SYNE3: variants seen among roughly 807,000 people sequenced by gnomAD.
SYNE3 encodes nesprin-3.
Under a neutral mutation model 111.2 loss-of-function variants are expected in SYNE3, and 100 were observed. The observed-to-expected ratio is 0.90, with a 90% CI of 0.77 to 1.06. SYNE3 has a LOEUF of 1.06. SYNE3 is among the 50% of genes least tolerant of loss of function. The pLI is 0.00. For synonymous variants in SYNE3, 547 were observed against 533.9 expected (o/e 1.02, Z -0.34); for missense variants, 1,160 against 1,240.3 (o/e 0.94, Z 0.97).
In SYNE3 at chr14:95,414,988, T is replaced by A. The variant is rs1385269539; in HGVS notation, c.*2838A>T. 6.6e-6 allele frequency: 1 copy of A among 152,166 alleles called. No individual in the cohort carries two copies. Among genetic ancestry groups the A allele is most frequent in the African/African-American group, 2.4e-5 (1 of 41,430 alleles). The allele number at this position is 152,166 out of a possible 1,614,324, so 9.4% of individuals were successfully genotyped here. A position where few individuals can be genotyped will look rare whatever the true frequency, so the allele number is the denominator to read the frequency against. ...ACTTGATGGCATCATTATCAAAATT[T>A]AAAAAATATAGGTAGATATTCCCAC... On this transcript the variant is annotated 3_prime_UTR_variant, in exon 18 of 18. Coordinates refer to ENST00000682763, the MANE Select transcript of SYNE3 (RefSeq NM_152592.6).
At chr14:95,428,438 T>C (rs1885557967) in intron 17 of SYNE3, among the ~76,000 whole-genome samples, 1 of 152,056 alleles carries the variant, frequency 6.6e-6, no homozygotes, top group East Asian at 1.9e-4. Context: ...AAATTATGAG[T>C]CTTAAAACCT....
At chr14:95,446,116 A>C in intron 8 of SYNE3, 25 bp from the exon 9 acceptor site, 2 of 1,612,798 alleles carry the variant, frequency 1.2e-6, no homozygotes, top group Non-Finnish European at 1.7e-6. Context: ...GCTTCCGTGA[A>C]CCACAGACCG....
intron 1 of SYNE3, among the ~76,000 whole-genome samples, chr14:95,511,471 T>C (rs1890718787): frequency 6.6e-6 from 1 of 152,024 alleles, no homozygotes; most frequent in Non-Finnish European, 1.5e-5. Context: ...GAGACCGAGG[T>C]GGGTGGATCA....
At chr14:95,492,437 AG>A (rs1304872273) in intron 1 of SYNE3, among the ~76,000 whole-genome samples, 3 of 152,252 alleles carry the variant, frequency 2.0e-5, no homozygotes, top group Admixed American at 6.5e-5. Flanking sequence ...CCTGTGAAAA[AG>A]AATGAAGTGC....
At position 95,408,799 on chromosome 14, in the gene SYNE3, G is replaced by A. The variant is rs976229521; in HGVS notation, c.*9027C>T. 5 of 219,232 alleles carry A rather than the reference G, an allele frequency of 2.3e-5. No homozygotes were observed. Among genetic ancestry groups the A allele is most frequent in the Non-Finnish European group, 3.6e-5 (4 of 110,988 alleles). 13.6% of individuals were successfully genotyped at this position (219,232 alleles called of 1,614,324 possible). ...AACATGCACAAGCGACTGCCTCCTTGTTTCTCCCATGAGAGGAATTGGAAC... is the reference window on the plus strand; with the variant it reads ...AACATGCACAAGCGACTGCCTCCTTATTTCTCCCATGAGAGGAATTGGAAC... On this transcript the variant is annotated 3_prime_UTR_variant, in exon 18 of 18. Transcript: ENST00000682763.
rs751056075 is a variant in SYNE3, at chr14:95,439,886, G to A, written c.2073+28C>T. ...TGGCCTGTCAAGGCTGCTTCTTTGGGAAGTGGGTGAGGGAACCACCGCCTT... is the reference window on the plus strand; with the variant it reads ...TGGCCTGTCAAGGCTGCTTCTTTGGAAAGTGGGTGAGGGAACCACCGCCTT... On this transcript the variant is annotated intron_variant, in intron 12 of 17. Transcript: ENST00000682763. The A allele has an allele frequency of 3.1e-6, 5 of 1,602,482 alleles. No individual in the cohort carries two copies. The South Asian group carries it at 5.6e-5, about 18-fold the overall frequency.
chr14:95,418,469 A>G (rs527391617), intron 17 of SYNE3, among the ~76,000 whole-genome samples: 1 of 152,310 alleles, frequency 6.6e-6, no homozygotes, highest in Non-Finnish European at 1.5e-5. Flanking sequence ...CATGATTAGT[A>G]TGCATCCTTA....
At chr14:95,464,203 C>A (rs1888018921) in intron 4 of SYNE3, among the ~76,000 whole-genome samples, 1 of 152,220 alleles carries the variant, frequency 6.6e-6, no homozygotes. Flanking sequence ...TGTAACATAA[C>A]AAACACCGTT....
chr14:95,477,326 T>C (rs765090609), intron 1 of SYNE3, among the ~76,000 whole-genome samples: 4 of 152,198 alleles, frequency 2.6e-5, no homozygotes, highest in Non-Finnish European at 5.9e-5. Flanking sequence ...TCTCTCTCCC[T>C]GGCATTGGGG....
Position 95,443,170 on chromosome 14 carries a change from C to T in SYNE3, c.1896G>A (p.Leu632=), listed in dbSNP as rs1036998836. The change falls in exon 11 of 18, where the codon CTG becomes CTA. Residue 632 remains leucine, a synonymous_variant. Coordinates refer to ENST00000682763, the MANE Select transcript of SYNE3 (RefSeq NM_152592.6). ...AGCCCCTTACCTCCAGAGACCTCTG[C>T]AGGGCCTGGAAGTCGGAGGAAAGCT... The part of the protein sequence containing the change: ...MDQLSSDFQA[L]QRSLEDLVDR... The T allele has an allele frequency of 3.1e-6, 5 of 1,613,842 alleles. No individual in the cohort carries two copies. The African/African-American group carries it at 5.3e-5, about 17-fold the overall frequency.
chr14:95,436,972 GAA>G lies in SYNE3; in HGVS notation c.2384_2385del (p.Leu795ProfsTer9). The G allele has an allele frequency of 1.6e-6, 2 of 1,235,402 alleles. No individual in the cohort carries two copies. The highest frequency in any genetic ancestry group is 1.7e-5 in the African/African-American group (1 of 60,014). The allele number at this position is 1,235,402 out of a possible 1,614,324, so 76.5% of individuals were successfully genotyped here. The part of the protein sequence containing the change: ...PIPRHRRRAN[L>X]LQEEEGSHED... ...TCATGGCTCCCTTCTTCTTCCTGTAGAAGATTTGCCTGTAGGATCACACACGG... is the reference window on the plus strand; with the variant it reads ...TCATGGCTCCCTTCTTCTTCCTGTAGGATTTGCCTGTAGGATCACACACGG... On this transcript the variant is annotated frameshift_variant, in exon 15 of 18. Coordinates refer to ENST00000682763, the MANE Select transcript of SYNE3 (RefSeq NM_152592.6). LOFTEE classifies it high-confidence loss of function.
Position 95,411,330 on chromosome 14 carries a change from A to G in SYNE3, c.*6496T>C, listed in dbSNP as rs1903429934. On this transcript the variant is annotated 3_prime_UTR_variant, in exon 18 of 18. Transcript: ENST00000682763. Reference sequence around the variant, plus strand: ...AATTTTAACATAAATTCAAAAAAAAAAAAAGAAAAAAGAAAAGGAGACCAG... The same window carrying G: ...AATTTTAACATAAATTCAAAAAAAAGAAAAGAAAAAAGAAAAGGAGACCAG... 1 of 151,828 alleles carries G rather than the reference A, an allele frequency of 6.6e-6. No homozygotes were observed. The allele number at this position is 151,828 out of a possible 1,614,324, so 9.4% of individuals were successfully genotyped here. A position where few individuals can be genotyped will look rare whatever the true frequency, so the allele number is the denominator to read the frequency against.
chr14:95,462,310 G>A (rs887647735), intron 4 of SYNE3, among the ~76,000 whole-genome samples: 7 of 152,324 alleles, frequency 4.6e-5, no homozygotes, highest in East Asian at 1.9e-4. Context: ...AGAGCTGACC[G>A]GGCTCCCTGT....
rs1304829138 is a variant in SYNE3, at chr14:95,411,817, T to G, written c.*6009A>C. The G allele has an allele frequency of 6.6e-6, 1 of 152,272 alleles. No homozygotes were observed. Among genetic ancestry groups the G allele is most frequent in the African/African-American group, 2.4e-5 (1 of 41,446 alleles). 9.4% of individuals were successfully genotyped at this position (152,272 alleles called of 1,614,324 possible). A position where few individuals can be genotyped will look rare whatever the true frequency, so the allele number is the denominator to read the frequency against. On this transcript the variant is annotated 3_prime_UTR_variant, in exon 18 of 18. Coordinates refer to ENST00000682763, the MANE Select transcript of SYNE3 (RefSeq NM_152592.6). ...GCTCCTCTCCTCTGGGGAGAAATCC[T>G]AGGCAGGGGGCAGGAAAGGGCAAGA... is the stretch of plus-strand genomic sequence containing the variant.
rs1350767574 is a variant in SYNE3, at chr14:95,475,672, G to A, written c.144+6C>T. ...CAGGGCCATCTGAGGCCACGCCTCTGCATACCTCGGTCTCCCACAGCCTGG... is the reference window on the plus strand; with the variant it reads ...CAGGGCCATCTGAGGCCACGCCTCTACATACCTCGGTCTCCCACAGCCTGG... On this transcript the variant is annotated splice_donor_region_variant and intron_variant, in intron 2 of 17. Transcript: ENST00000682763. 1 of 1,542,406 alleles carries A rather than the reference G, an allele frequency of 6.5e-7. No homozygotes were observed. The highest frequency in any genetic ancestry group is 8.7e-7 in the Non-Finnish European group (1 of 1,149,022).
At chr14:95,481,459 A>G (rs766429230) in intron 1 of SYNE3, among the ~76,000 whole-genome samples, 8 of 152,172 alleles carry the variant, frequency 5.3e-5, no homozygotes, top group Non-Finnish European at 1.0e-4. Context: ...CTAGAGAGAC[A>G]AGGCGGGGAG....
intron 11 of SYNE3, among the ~76,000 whole-genome samples, chr14:95,440,604 C>T (rs1886362154): frequency 1.3e-5 from 2 of 152,242 alleles, no homozygotes; most frequent in Non-Finnish European, 2.9e-5. Context: ...CAAGAATGAA[C>T]AGTCTATAAC....
At chr14:95,419,341 A>C (rs2139335687) in intron 17 of SYNE3, among the ~76,000 whole-genome samples, 1 of 152,294 alleles carries the variant, frequency 6.6e-6, no homozygotes, top group African/African-American at 2.4e-5. Context: ...TGGGGATCAA[A>C]CACCTACCCC....
At chr14:95,453,614 T>C (rs1010533457) in intron 6 of SYNE3, among the ~76,000 whole-genome samples, 1 of 152,218 alleles carries the variant, frequency 6.6e-6, no homozygotes, top group African/African-American at 2.4e-5. Context: ...CACAGTTGGT[T>C]TGTGGGAACT....
Sources: allele counts gnomAD v4.1 joint callset (sites outside exome capture counted in the v4.1 genomes callset), GRCh38; gene constraint gnomAD v4.1.1; transcripts MANE v1.5; gene names NCBI Gene and HGNC (gene_info 2026-07-23, HGNC 2026-07-21).